Variants in KCNQ1 observed in about 807,000 individuals in gnomAD.
The protein encoded by KCNQ1 is potassium voltage-gated channel subfamily KQT member 1.
Under a neutral mutation model 72.4 loss-of-function variants are expected in KCNQ1, and 49 were observed. The observed-to-expected ratio is 0.68, with a 90% CI of 0.54 to 0.86. KCNQ1 has a LOEUF of 0.86. Among genes scored for constraint, KCNQ1 ranks in the 40% least tolerant of loss-of-function variants. The probability of loss-of-function intolerance (pLI) is 0.00; values close to 1 mark genes in which losing one functional copy is unlikely to be tolerated. For missense variants in KCNQ1, 790 were observed against 945.1 expected (o/e 0.84, Z 2.15); for synonymous variants, 450 against 412.6 (o/e 1.09, Z -1.10).
At position 2,486,867 on chromosome 11, in the gene KCNQ1, C is replaced by A; in HGVS notation, c.387-41061C>A. Among the ~76,000 whole-genome samples the A allele has an allele frequency of 6.6e-6, 1 of 152,304 alleles. No individual in the cohort carries two copies. The highest frequency in any genetic ancestry group is 1.5e-5 in the Non-Finnish European group (1 of 68,026). On this transcript the variant is annotated intron_variant, in intron 1 of 15. Transcript: ENST00000155840. The surrounding 1 kb of genome is among the most constrained non-coding windows in gnomAD (Gnocchi z 5.0). ...AGCACCCACCAGGCCCCACCTCCAACGCTGGGGATCACATTTCAACATGAG... is the reference window on the plus strand; with the variant it reads ...AGCACCCACCAGGCCCCACCTCCAAAGCTGGGGATCACATTTCAACATGAG...
At chr11:2,523,862 A>C (rs377232172) in intron 1 of KCNQ1, among the ~76,000 whole-genome samples, 71 of 140,594 alleles carry the variant, frequency 5.1e-4, no homozygotes, top group Middle Eastern at 4.0e-3. Context: ...TCAGGCCTCC[A>C]TTTGCTCATC....
chr11:2,489,107 A>G (rs1272801812), intron 1 of KCNQ1, among the ~76,000 whole-genome samples: 1 of 152,246 alleles, frequency 6.6e-6, no homozygotes, highest in Non-Finnish European at 1.5e-5. Context: ...AAGCAATCAC[A>G]GTATCTGCTT....
chr11:2,605,231 CTGTAGGT>C (rs1848862893), intron 10 of KCNQ1, among the ~76,000 whole-genome samples: 1 of 152,204 alleles, frequency 6.6e-6, no homozygotes, highest in African/African-American at 2.4e-5. Context: ...TTTCTCCCAT[CTGTAGGT>C]TGTCTTTTCA....
intron 4 of KCNQ1, 59 bp from the exon 5 acceptor site, chr11:2,571,954 C>G: frequency 6.9e-7 from 1 of 1,458,202 alleles, no homozygotes; most frequent in Non-Finnish European, 9.5e-7. Flanking sequence ...AGCCCTAGGC[C>G]CGGCGTGAAC....
chr11:2,726,520 C>T (rs371295340), intron 11 of KCNQ1, among the ~76,000 whole-genome samples: 54 of 152,146 alleles, frequency 3.5e-4, no homozygotes, highest in Non-Finnish European at 6.3e-4. Context: ...AGCCGTCCCC[C>T]ACCCCACCCC....
chr11:2,491,152 C>G lies in KCNQ1; in HGVS notation c.387-36776C>G, dbSNP rs1438224457. Among the ~76,000 whole-genome samples the G allele has an allele frequency of 6.6e-6, 1 of 152,134 alleles. No homozygotes were observed. Among genetic ancestry groups the G allele is most frequent in the Non-Finnish European group, 1.5e-5 (1 of 68,028 alleles). On this transcript the variant is annotated intron_variant, in intron 1 of 15. Transcript: ENST00000155840. The surrounding 1 kb of genome is among the most constrained non-coding windows in gnomAD (Gnocchi z 4.1). ...CCAAGAAAGATGGGTACAAACAAGC[C>G]CAGACTGCAAAGGCTACAATAAATA...
In KCNQ1 at chr11:2,643,348, T is replaced by G. The variant is rs575672908; in HGVS notation, c.1394-18613T>G. ...TATATCTGGGTGCTTTGGTGTTGGG[T>G]GCATATATGTTTAGAATTGTTATAT... On this transcript the variant is annotated intron_variant, in intron 10 of 15. Transcript: ENST00000155840. 4.0e-5 allele frequency: 16 copies of G among 398,416 alleles called. No homozygotes were observed. In the South Asian group the frequency reaches 1.5e-3, roughly 38 times the overall value. The allele number at this position is 398,416 out of a possible 1,614,324, so 24.7% of individuals were successfully genotyped here.
intron 11 of KCNQ1, among the ~76,000 whole-genome samples, chr11:2,717,063 G>A (rs908149961): frequency 6.6e-6 from 1 of 152,328 alleles, no homozygotes; most frequent in East Asian, 1.9e-4. Context: ...GCCCTCTGGT[G>A]CTGCTTGTCC....
chr11:2,665,209 G>A (rs1850044137), intron 11 of KCNQ1: 1 of 398,586 alleles, frequency 2.5e-6, no homozygotes, highest in South Asian at 1.3e-4. Flanking sequence ...TCAGGCAGAA[G>A]CTGTCTTCCT....
chr11:2,828,300 A>C lies in KCNQ1; in HGVS notation c.1795-19467A>C, dbSNP rs2283228. Among the ~76,000 whole-genome samples the C allele has an allele frequency of 0.11, 16,129 of 152,284 alleles. 1,365 individuals carry two copies. The highest frequency in any genetic ancestry group is 0.37 in the East Asian group (1,919 of 5,176). On this transcript the variant is annotated intron_variant, in intron 15 of 15. Transcript: ENST00000155840. The surrounding 1 kb of genome is among the most constrained non-coding windows in gnomAD (Gnocchi z 5.3). ...AGCAGCAGGTGCCAGAGCTGAAAGC[A>C]CTGGTTAAACGTGATGGGTAAACAC...
At position 2,446,820 on chromosome 11, in the gene KCNQ1, G is replaced by C. The variant is rs1347293367; in HGVS notation, c.386+1336G>C. Among the ~76,000 whole-genome samples, 2 of 152,252 alleles carry C rather than the reference G, an allele frequency of 1.3e-5. No homozygotes were observed. Among genetic ancestry groups the C allele is most frequent in the East Asian group, 3.8e-4 (2 of 5,198 alleles). On this transcript the variant is annotated intron_variant, in intron 1 of 15. Transcript: ENST00000155840. This position sits in a 1 kb window ranked among gnomAD's most constrained non-coding sequence, Gnocchi z 8.8. ...CCACAGCCGCTGCTGGTCTGTGAGA[G>C]GAGCTGGCTCTGCTCGTGGCTGCAA...
At chr11:2,474,949 G>C (rs1264321187) in intron 1 of KCNQ1, among the ~76,000 whole-genome samples, 1 of 152,206 alleles carries the variant, frequency 6.6e-6, no homozygotes, top group African/African-American at 2.4e-5. Flanking sequence ...ATGGGAACCA[G>C]GCGTCGACTT....
At position 2,683,056 on chromosome 11, in the gene KCNQ1, A is replaced by G; in HGVS notation, c.1514+20975A>G. ...GACCTTCTCCCACTTCTTACAGGCA[A>G]GGCTCTTGCTAGCCTGAGGACCAGG... On this transcript the variant is annotated intron_variant, in intron 11 of 15. Transcript: ENST00000155840. This position sits in a 1 kb window ranked among gnomAD's most constrained non-coding sequence, Gnocchi z 4.7. The G allele has an allele frequency of 2.5e-6, 1 of 398,670 alleles. No homozygotes were observed. Among genetic ancestry groups the G allele is most frequent in the East Asian group, 3.6e-5 (1 of 28,082 alleles). The allele number at this position is 398,670 out of a possible 1,614,324, so 24.7% of individuals were successfully genotyped here.
At chr11:2,445,851 C>A (rs1846029440) in intron 1 of KCNQ1, among the ~76,000 whole-genome samples, 1 of 152,094 alleles carries the variant, frequency 6.6e-6, no homozygotes, top group African/African-American at 2.4e-5. Context: ...TCCTCAAGGT[C>A]GGCTGAGACT....
intron 12 of KCNQ1, among the ~76,000 whole-genome samples, chr11:2,774,914 C>G (rs1846663036): frequency 6.6e-6 from 1 of 152,212 alleles, no homozygotes; most frequent in South Asian, 2.1e-4. Flanking sequence ...CTCCCTCTGA[C>G]TTGGGCTGGC....
At chr11:2,719,436 A>G (rs1851165865) in intron 11 of KCNQ1, among the ~76,000 whole-genome samples, 1 of 151,610 alleles carries the variant, frequency 6.6e-6, no homozygotes, top group Non-Finnish European at 1.5e-5. Context: ...TCAAGAGTGC[A>G]GTGAGCCATG....
chr11:2,798,226 C>T (rs535391937), intron 15 of KCNQ1, among the ~76,000 whole-genome samples: 50 of 152,172 alleles, frequency 3.3e-4, no homozygotes, highest in Non-Finnish European at 6.3e-4. Flanking sequence ...GGGGCTGGAC[C>T]GTCCACGCCC....
rs751516691 is a variant in KCNQ1 at position 2,559,259 on chromosome 11, T to A, written c.478-11369T>A. Among the ~76,000 whole-genome samples the A allele has an allele frequency of 3.9e-5, 6 of 151,970 alleles. No individual in the cohort carries two copies. The highest frequency in any genetic ancestry group is 8.8e-5 in the Non-Finnish European group (6 of 67,970). On this transcript the variant is annotated intron_variant, in intron 2 of 15. Transcript: ENST00000155840. This position sits in a 1 kb window ranked among gnomAD's most constrained non-coding sequence, Gnocchi z 4.9. ...GATGCATTCGACACCCAAGGCCTTA[T>A]GGAATCAGTCCTGGGGCCTGGAGGG...
intron 11 of KCNQ1, among the ~76,000 whole-genome samples, chr11:2,765,312 T>G (rs1846477249): frequency 2.0e-5 from 3 of 152,254 alleles, no homozygotes; most frequent in African/African-American, 7.2e-5. Context: ...CCTAGTTATC[T>G]CTTTTTATGG....
Sources: gnomAD v4.1 joint callset for allele counts (sites outside exome capture counted in the v4.1 genomes callset) on GRCh38, gnomAD v4.1.1 for gene constraint, Gnocchi (gnomAD v3.1) non-coding constraint, MANE v1.5 for transcripts, NCBI Gene and HGNC (gene_info 2026-07-23, HGNC 2026-07-21) for gene names.